RNF114: variants seen among roughly 807,000 people sequenced by gnomAD.
The protein encoded by RNF114 is ring finger protein 114.
A neutral mutation model predicts 28.4 loss-of-function variants in RNF114; 6 were observed. The observed-to-expected ratio is 0.21, with a 90% CI of 0.12 to 0.42. The LOEUF (loss-of-function observed/expected upper bound fraction) is 0.42. RNF114 is among the 10% of genes least tolerant of loss of function. RNF114 has a pLI of 1.00. For missense variants in RNF114, 249 were observed against 311.7 expected (o/e 0.80, Z 1.51); for synonymous variants, 115 against 116.7 (o/e 0.99, Z 0.09).
rs2294600 is a variant in RNF114 at position 49,942,850 on chromosome 20, G to A, written c.291+1139G>A. On this transcript the variant is annotated intron_variant, in intron 2 of 5. Coordinates refer to ENST00000244061, the MANE Select transcript of RNF114 (RefSeq NM_018683.4). ...AGGAAAAAAAAAGTGATTTAATTTC[G>A]AAAGCTGCATAACATTTTCTGCCCT... 0.028 allele frequency among the ~76,000 whole-genome samples: 4,193 copies of A among 152,232 alleles called. 390 individuals are homozygous for A. In the East Asian group the frequency reaches 0.35, roughly 13 times the overall value.
intron 1 of RNF114, among the ~76,000 whole-genome samples, chr20:49,939,037 C>T (rs975900790): frequency 3.7e-4 from 57 of 152,134 alleles, no homozygotes; most frequent in Admixed American, 9.2e-4. Flanking sequence ...CTTTCCAGTC[C>T]TCATTTGTGT....
At chr20:49,945,184 G>A (rs1278194942) in intron 2 of RNF114, 198 bp from the exon 3 acceptor site, 5 of 506,250 alleles carry the variant, frequency 9.9e-6, no homozygotes, top group South Asian at 2.4e-5. Flanking sequence ...TGATTTAGTC[G>A]AATAAAATAG....
At position 49,936,564 on chromosome 20, in the gene RNF114, G is replaced by T. The variant is rs561444944; in HGVS notation, c.140+12G>T. On this transcript the variant is annotated intron_variant, in intron 1 of 5. Transcript: ENST00000244061. The stretch of plus-strand genomic sequence containing the variant: ...CCCTGCGGACACGTGTAAGCGGCGA[G>T]CCCGGGCCTGGTCGGGGGGCGCTTA... The T allele has an allele frequency of 3.5e-5, 55 of 1,583,698 alleles. 2 individuals are homozygous for T. In the Middle Eastern group the frequency reaches 1.2e-3, roughly 34 times the overall value.
In RNF114 at chr20:49,953,408, A is replaced by G. The variant is rs2090363465; in HGVS notation, c.*1267A>G. The G allele has an allele frequency of 6.6e-6, 1 of 152,184 alleles. No homozygotes were observed. The highest frequency in any genetic ancestry group is 2.1e-4 in the South Asian group (1 of 4,830). 9.4% of individuals were successfully genotyped at this position (152,184 alleles called of 1,614,324 possible). A position where few individuals can be genotyped will look rare whatever the true frequency, so the allele number is the denominator to read the frequency against. On this transcript the variant is annotated 3_prime_UTR_variant, in exon 6 of 6. Transcript: ENST00000244061. ...GTAGGAGCAGAACCTCTGATTGACC[A>G]AAAGGCATATGGGTTTAGGTTGGTT...
intron 4 of RNF114, among the ~76,000 whole-genome samples, chr20:49,948,125 C>G (rs2090341588): frequency 6.6e-6 from 1 of 152,060 alleles, no homozygotes; most frequent in African/African-American, 2.4e-5. Context: ...TCTCCCTTCC[C>G]TTTAGAAGCC....
chr20:49,948,122 TC>T (rs907080791), intron 4 of RNF114, among the ~76,000 whole-genome samples: 3 of 152,008 alleles, frequency 2.0e-5, no homozygotes, highest in African/African-American at 7.2e-5. Flanking sequence ...GTTTCTCCCT[TC>T]CCTTTAGAAG....
At chr20:49,945,675 T>C (rs1227971324) in intron 3 of RNF114, among the ~76,000 whole-genome samples, 187 bp downstream of exon 3, 1 of 152,222 alleles carries the variant, frequency 6.6e-6, no homozygotes, top group Non-Finnish European at 1.5e-5. Flanking sequence ...TATTCTTTTT[T>C]TCTTTTTTGA....
At chr20:49,951,125 G>T (rs2146860845) in intron 5 of RNF114, among the ~76,000 whole-genome samples, 1 of 152,086 alleles carries the variant, frequency 6.6e-6, no homozygotes, top group South Asian at 2.1e-4. Flanking sequence ...TGTCAAGTTA[G>T]GATTTTAGAG....
intron 4 of RNF114, among the ~76,000 whole-genome samples, chr20:49,947,777 T>G (rs912048459): frequency 3.4e-3 from 79 of 22,986 alleles, no homozygotes; most frequent in African/African-American, 0.015. Flanking sequence ...AAGTTTTTTT[T>G]TTTTTTTTTT....
In RNF114 at chr20:49,941,606, T is replaced by G; in HGVS notation, c.186T>G (p.Pro62=). 6.2e-7 allele frequency: 1 copy of G among 1,611,078 alleles called. No homozygotes were observed. Residue 62 remains proline (P), a synonymous_variant, in exon 2 of 6, where the codon CCT becomes CCG. Coordinates refer to ENST00000244061, the MANE Select transcript of RNF114 (RefSeq NM_018683.4). The stretch of plus-strand genomic sequence containing the variant: ...AGGAATGTCTGAAGCCGAAGAAGCC[T>G]GTCTGTGGGGTGTGTCGCAGCGCTC... The part of the protein sequence containing the change: ...CLQECLKPKK[P]VCGVCRSALA...
At chr20:49,941,826 G>C in intron 2 of RNF114, 115 bp downstream of exon 2, 1 of 1,047,208 alleles carries the variant, frequency 9.5e-7, no homozygotes, top group Non-Finnish European at 1.4e-6. Context: ...AACAGCACGC[G>C]TGCATGCCAA....
intron 2 of RNF114, chr20:49,944,734 AGCTGGGCCTGATG>A (rs1204310611): frequency 6.6e-6 from 1 of 152,190 alleles, no homozygotes; most frequent in Admixed American, 6.5e-5. Flanking sequence ...TATGAAAATT[AGCTGGGCCTGATG>A]GCACACACCT....
Position 49,953,660 on chromosome 20 carries a change from C to G in RNF114, c.*1519C>G, listed in dbSNP as rs1399299875. ...TCTGGAAGAAGTTCACTCAGACCTT[C>G]CTGAATTCAGATCATCTCAGAAGTC... On this transcript the variant is annotated 3_prime_UTR_variant, in exon 6 of 6. Transcript: ENST00000244061. The G allele has an allele frequency of 6.6e-6, 1 of 152,104 alleles. No homozygotes were observed. The highest frequency in any genetic ancestry group is 6.5e-5 in the Admixed American group (1 of 15,272). The allele number at this position is 152,104 out of a possible 1,614,324, so 9.4% of individuals were successfully genotyped here. A position where few individuals can be genotyped will look rare whatever the true frequency, so the allele number is the denominator to read the frequency against.
At chr20:49,946,297 T>A (rs1176856927) in intron 4 of RNF114, 47 bp downstream of exon 4, 1 of 1,015,374 alleles carries the variant, frequency 9.8e-7, no homozygotes, top group Non-Finnish European at 1.5e-6. Context: ...AGGGAAAGGA[T>A]CAAGCTTGGA....
At chr20:49,942,453 T>C (rs760288080) in intron 2 of RNF114, among the ~76,000 whole-genome samples, 1 of 152,232 alleles carries the variant, frequency 6.6e-6, no homozygotes, top group Non-Finnish European at 1.5e-5. Context: ...ATCATTAAAA[T>C]TTTTAAAATT....
At chr20:49,937,558 G>T (rs2090292630) in intron 1 of RNF114, among the ~76,000 whole-genome samples, 1 of 152,224 alleles carries the variant, frequency 6.6e-6, no homozygotes, top group African/African-American at 2.4e-5. Flanking sequence ...CCGTGGCCTA[G>T]CTCTTCCCAG....
At chr20:49,939,337 T>G (rs2090298613) in intron 1 of RNF114, among the ~76,000 whole-genome samples, 1 of 152,160 alleles carries the variant, frequency 6.6e-6, no homozygotes, top group South Asian at 2.1e-4. Context: ...GGTCTGGAAT[T>G]TTGCCTAACA....
At chr20:49,950,991 G>C (rs984830916) in intron 5 of RNF114, among the ~76,000 whole-genome samples, 2 of 152,302 alleles carry the variant, frequency 1.3e-5, no homozygotes, top group Middle Eastern at 3.4e-3. Flanking sequence ...AAATACGGCT[G>C]TCAGGTTTAT....
At chr20:49,943,460 G>A (rs1325557188) in intron 2 of RNF114, among the ~76,000 whole-genome samples, 1 of 151,860 alleles carries the variant, frequency 6.6e-6, no homozygotes, top group Non-Finnish European at 1.5e-5. Flanking sequence ...GAATATAGTG[G>A]ACCCAGTTTC....
Sources: allele counts gnomAD v4.1 joint callset (sites outside exome capture counted in the v4.1 genomes callset), GRCh38; gene constraint gnomAD v4.1.1; transcripts MANE v1.5; gene names NCBI Gene and HGNC (gene_info 2026-07-23, HGNC 2026-07-21).